Variants in SENP6 observed in about 807,000 individuals in gnomAD.
SENP6 encodes SUMO specific peptidase 6, also known as sentrin-specific protease 6.
In SENP6, 41 loss-of-function variants were observed where a neutral mutation model predicts 134.5. The observed-to-expected ratio is 0.30, with a 90% CI of 0.24 to 0.40. SENP6 has a LOEUF of 0.40. SENP6 is among the 10% of genes least tolerant of loss of function. The pLI is 1.00. For missense variants in SENP6, 1,248 were observed against 1,312.5 expected (o/e 0.95, Z 0.76); for synonymous variants, 395 against 429.8 (o/e 0.92, Z 1.00).
chr6:75,690,046 G>C (rs536837563), intron 16 of SENP6, among the ~76,000 whole-genome samples: 1 of 152,188 alleles, frequency 6.6e-6, no homozygotes, highest in South Asian at 2.1e-4. Context: ...TAAGTAGCTG[G>C]GACTACAGGT....
In SENP6 at chr6:75,697,532, C is replaced by T. The variant is rs1247234978; in HGVS notation, c.2288+15C>T. Reference sequence around the variant, plus strand: ...CTTAATGAAGCGTGAGTAAGAATTTCCTTTAAAGGAAAATCTTTAAATCAT... The same window carrying T: ...CTTAATGAAGCGTGAGTAAGAATTTTCTTTAAAGGAAAATCTTTAAATCAT... On this transcript the variant is annotated intron_variant, in intron 18 of 23. Coordinates refer to ENST00000447266, the MANE Select transcript of SENP6 (RefSeq NM_015571.4). 6.4e-7 allele frequency: 1 copy of T among 1,560,338 alleles called. No homozygotes were observed. The highest frequency in any genetic ancestry group is 8.8e-7 in the Non-Finnish European group (1 of 1,135,626).
chr6:75,669,247 G>A (rs1357774599), intron 10 of SENP6, among the ~76,000 whole-genome samples: 1 of 152,136 alleles, frequency 6.6e-6, no homozygotes, highest in Non-Finnish European at 1.5e-5. Context: ...AGCTACTTGG[G>A]AGGCTGACGC....
intron 21 of SENP6, among the ~76,000 whole-genome samples, chr6:75,711,642 C>T (rs748356115): frequency 2.6e-5 from 4 of 152,092 alleles, no homozygotes; most frequent in Non-Finnish European, 5.9e-5. Context: ...TGCACATGTC[C>T]ACACACAAAT....
intron 17 of SENP6, among the ~76,000 whole-genome samples, chr6:75,696,152 A>T (rs1050935862): frequency 2.6e-5 from 4 of 152,196 alleles, no homozygotes; most frequent in African/African-American, 9.7e-5. Context: ...AATTTTTTTT[A>T]ACAACTTATT....
At chr6:75,610,047 C>G (rs114268371) in intron 1 of SENP6, among the ~76,000 whole-genome samples, 1 of 152,182 alleles carries the variant, frequency 6.6e-6, no homozygotes, top group Admixed American at 6.5e-5. Flanking sequence ...TTCAGCCTCC[C>G]AGAGTGCTGG....
At chr6:75,678,722 T>C in intron 15 of SENP6, 30 bp downstream of exon 15, 1 of 1,385,966 alleles carries the variant, frequency 7.2e-7, no homozygotes, top group East Asian at 2.3e-5. Context: ...TTTGCAATGA[T>C]CTTAAATGTC....
chr6:75,608,199 TTATCCTGAGA>T (rs1268433729), intron 1 of SENP6, among the ~76,000 whole-genome samples: 2 of 152,148 alleles, frequency 1.3e-5, no homozygotes, highest in African/African-American at 2.4e-5. Context: ...GTCATACCTG[TTATCCTGAGA>T]TAACACTTCG....
intron 1 of SENP6, among the ~76,000 whole-genome samples, chr6:75,614,402 A>C (rs1767695281): frequency 6.6e-6 from 1 of 151,756 alleles, no homozygotes; most frequent in African/African-American, 2.4e-5. Flanking sequence ...AGTAGCTGGG[A>C]TTACAGGTGT....
At chr6:75,604,236 A>G (rs756814992) in intron 1 of SENP6, among the ~76,000 whole-genome samples, 6 of 152,352 alleles carry the variant, frequency 3.9e-5, no homozygotes, top group South Asian at 2.1e-4. Flanking sequence ...CTTTATTCTA[A>G]TCTAAGGGTC....
chr6:75,641,738 G>A (rs1318672370), intron 6 of SENP6, among the ~76,000 whole-genome samples: 5 of 152,112 alleles, frequency 3.3e-5, no homozygotes, highest in African/African-American at 1.2e-4. Context: ...AGTACTTTGG[G>A]AGGGCAAAGC....
chr6:75,651,277 T>G (rs1380407046), intron 7 of SENP6, among the ~76,000 whole-genome samples: 2 of 152,200 alleles, frequency 1.3e-5, no homozygotes, highest in Non-Finnish European at 2.9e-5. Flanking sequence ...TACATTTAAT[T>G]ATATTCTTCA....
At chr6:75,624,931 G>C (rs759097240) in intron 3 of SENP6, among the ~76,000 whole-genome samples, 1 of 152,042 alleles carries the variant, frequency 6.6e-6, no homozygotes, top group Non-Finnish European at 1.5e-5. Flanking sequence ...CCAGGAGTTT[G>C]AGACTACCTG....
intron 16 of SENP6, among the ~76,000 whole-genome samples, chr6:75,686,278 C>T (rs1773834966): frequency 1.3e-5 from 2 of 152,074 alleles, no homozygotes; most frequent in Admixed American, 1.3e-4. Context: ...TTATTTTGAG[C>T]CTGTGTGTCT....
intron 20 of SENP6, among the ~76,000 whole-genome samples, chr6:75,710,304 A>C (rs900800182): frequency 6.6e-6 from 1 of 152,204 alleles, no homozygotes; most frequent in Non-Finnish European, 1.5e-5. Context: ...TTGCCCTAAC[A>C]AACAGTATGA....
intron 9 of SENP6, among the ~76,000 whole-genome samples, chr6:75,665,600 G>C (rs541415235): frequency 1.3e-5 from 2 of 152,274 alleles, no homozygotes; most frequent in South Asian, 4.1e-4. Flanking sequence ...CAAGGTATAA[G>C]AGCAAATTAC....
intron 16 of SENP6, among the ~76,000 whole-genome samples, chr6:75,691,057 T>C (rs1409814615): frequency 1.3e-5 from 2 of 151,170 alleles, no homozygotes; most frequent in African/African-American, 4.9e-5. Flanking sequence ...GTGCCCAGGC[T>C]GGTCTCAAAT....
chr6:75,646,300 A>T (rs1046238254), intron 6 of SENP6, among the ~76,000 whole-genome samples: 3 of 152,122 alleles, frequency 2.0e-5, no homozygotes, highest in Non-Finnish European at 2.9e-5. Context: ...TTCAGTGTGG[A>T]AATTGCCCAG....
chr6:75,613,864 TA>T (rs1264319841), intron 1 of SENP6, among the ~76,000 whole-genome samples: 1 of 152,216 alleles, frequency 6.6e-6, no homozygotes, highest in Non-Finnish European at 1.5e-5. Flanking sequence ...TTAGTTGACC[TA>T]AAAATGTTCC....
At chr6:75,701,633 CTTTTTTTTTT>C (rs60715314) in intron 18 of SENP6, among the ~76,000 whole-genome samples, 11 of 80,114 alleles carry the variant, frequency 1.4e-4, no homozygotes, top group Non-Finnish European at 2.2e-4. Flanking sequence ...ACAGTTTAAT[CTTTTTTTTTT>C]TTTTTTTTTT....
Sources: allele counts gnomAD v4.1 joint callset (sites outside exome capture counted in the v4.1 genomes callset), GRCh38; gene constraint gnomAD v4.1.1; transcripts MANE v1.5; gene names NCBI Gene and HGNC (gene_info 2026-07-23, HGNC 2026-07-21).